The following CSMD1 variants were observed in gnomAD, a reference collection of about 807,000 sequenced individuals.
CSMD1 encodes CUB and Sushi multiple domains 1.
CSMD1 carries 213 observed loss-of-function variants against 417.5 expected under a neutral mutation model. That is an observed-to-expected ratio of 0.51 (90% confidence interval 0.46 to 0.57). The LOEUF (loss-of-function observed/expected upper bound fraction) is 0.57, where lower values mean the gene tolerates loss of function less well. CSMD1 is among the 20% of genes least tolerant of loss of function. The pLI is 0.00. For synonymous variants in CSMD1, 2,862 were observed against 1,736.8 expected (o/e 1.65, Z -16.11); for missense variants, 6,923 against 4,529.7 (o/e 1.53, Z -15.17).
intron 1 of CSMD1, among the ~76,000 whole-genome samples, chr8:4,942,493 A>G (rs1311405134): frequency 2.0e-5 from 3 of 152,162 alleles, no homozygotes; most frequent in Non-Finnish European, 4.4e-5. Flanking sequence ...TTTAACTTAT[A>G]TTTGTTAAAT....
At chr8:3,550,178 C>A (rs933731458) in intron 10 of CSMD1, among the ~76,000 whole-genome samples, 1 of 152,154 alleles carries the variant, frequency 6.6e-6, no homozygotes, top group Non-Finnish European at 1.5e-5. Flanking sequence ...ACCTTTTGAT[C>A]CCGATTCTCC....
intron 3 of CSMD1, among the ~76,000 whole-genome samples, chr8:4,149,314 C>A (rs938125989): frequency 6.6e-6 from 1 of 152,118 alleles, no homozygotes; most frequent in Non-Finnish European, 1.5e-5. Context: ...CACATATTCA[C>A]TGAGAATTTT....
intron 5 of CSMD1, among the ~76,000 whole-genome samples, chr8:3,852,290 G>C (rs1803965029): frequency 6.6e-6 from 1 of 152,094 alleles, no homozygotes; most frequent in Non-Finnish European, 1.5e-5. Flanking sequence ...GCGAACTCCT[G>C]CCCCAGAATC....
At chr8:4,231,043 C>T (rs114700365) in intron 3 of CSMD1, among the ~76,000 whole-genome samples, 1,899 of 152,156 alleles carry the variant, frequency 0.012, 45 homozygotes, top group African/African-American at 0.043. Flanking sequence ...AACTTGCTAC[C>T]GTGGGAAAAT....
intron 5 of CSMD1, among the ~76,000 whole-genome samples, chr8:3,807,289 C>A (rs1372990342): frequency 6.6e-6 from 1 of 152,120 alleles, no homozygotes; most frequent in Non-Finnish European, 1.5e-5. Context: ...ACCTATACCG[C>A]ATGCCAGCAA....
intron 2 of CSMD1, among the ~76,000 whole-genome samples, chr8:4,527,914 G>A (rs926747867): frequency 2.6e-5 from 4 of 152,154 alleles, no homozygotes; most frequent in Non-Finnish European, 4.4e-5. Flanking sequence ...CCTACAGGGC[G>A]TGCCTGCTTC....
rs569905956 is a variant in CSMD1 at position 4,089,205 on chromosome 8, G to T, written c.416-57106C>A. ...CAATCTGTTTGGCTGCCTGCCTTTT[G>T]TATTACCTATAAGCTCCATAAGGAC... On this transcript the variant is annotated intron_variant, in intron 3 of 69. Transcript: ENST00000635120. Among the ~76,000 whole-genome samples, 21 of 152,210 alleles carry T rather than the reference G, an allele frequency of 1.4e-4. No individual in the cohort carries two copies. In the South Asian group the frequency reaches 3.9e-3, roughly 29 times the overall value.
At chr8:3,809,321 C>T (rs927668739) in intron 5 of CSMD1, among the ~76,000 whole-genome samples, 4 of 152,144 alleles carry the variant, frequency 2.6e-5, no homozygotes, top group Non-Finnish European at 5.9e-5. Context: ...TTCTTGTTCA[C>T]GATTTTTATC....
intron 1 of CSMD1, among the ~76,000 whole-genome samples, chr8:4,950,293 T>G (rs1269886592): frequency 6.6e-6 from 1 of 152,158 alleles, no homozygotes; most frequent in African/African-American, 2.4e-5. Flanking sequence ...TTAATTCTGA[T>G]TAGTAAGTAA....
At chr8:4,507,463 T>C (rs1802587853) in intron 2 of CSMD1, among the ~76,000 whole-genome samples, 1 of 152,200 alleles carries the variant, frequency 6.6e-6, no homozygotes, top group African/African-American at 2.4e-5. Flanking sequence ...TATCTCTGGC[T>C]ATTGATTACA....
chr8:4,040,134 G>A (rs563514429), intron 3 of CSMD1, among the ~76,000 whole-genome samples: 4 of 152,086 alleles, frequency 2.6e-5, no homozygotes, highest in African/African-American at 7.2e-5. Context: ...ATTTTTAAAG[G>A]GTATGAGAGT....
At chr8:4,594,932 A>C (rs955044718) in intron 2 of CSMD1, among the ~76,000 whole-genome samples, 2 of 152,346 alleles carry the variant, frequency 1.3e-5, no homozygotes, top group African/African-American at 4.8e-5. Flanking sequence ...TTGAGACTAC[A>C]TATTATAATT....
intron 3 of CSMD1, among the ~76,000 whole-genome samples, chr8:4,123,226 GT>G (rs1266912387): frequency 6.6e-6 from 1 of 152,214 alleles, no homozygotes; most frequent in African/African-American, 2.4e-5. Flanking sequence ...CAAGTTCACA[GT>G]TAATGACAGA....
At chr8:3,798,009 T>C (rs1319541426) in intron 5 of CSMD1, among the ~76,000 whole-genome samples, 1 of 152,168 alleles carries the variant, frequency 6.6e-6, no homozygotes, top group Non-Finnish European at 1.5e-5. Flanking sequence ...AGATTATTGA[T>C]GTTGATAAAC....
intron 3 of CSMD1, among the ~76,000 whole-genome samples, chr8:4,069,923 T>C (rs144519225): frequency 2.0e-4 from 31 of 152,336 alleles, no homozygotes; most frequent in African/African-American, 7.0e-4. Flanking sequence ...TACCACTTTG[T>C]ATAAAATTGC....
chr8:4,085,971 C>T lies in CSMD1; in HGVS notation c.416-53872G>A, dbSNP rs183887429. ...ACAAGTGCAAGTCAATCTACAATTA[C>T]CTTGAAATAAAAACTGTAATTAAAA... On this transcript the variant is annotated intron_variant, in intron 3 of 69. Transcript: ENST00000635120. Among the ~76,000 whole-genome samples, 5 of 152,114 alleles carry T rather than the reference C, an allele frequency of 3.3e-5. No homozygotes were observed. In the East Asian group the frequency reaches 9.7e-4, roughly 29 times the overall value.
At chr8:3,615,678 C>G (rs921959312) in intron 8 of CSMD1, among the ~76,000 whole-genome samples, 29 of 152,210 alleles carry the variant, frequency 1.9e-4, no homozygotes, top group African/African-American at 6.3e-4. Flanking sequence ...AAAAACATTC[C>G]TTCTTTCCTC....
chr8:4,160,455 G>A (rs144144186), intron 3 of CSMD1, among the ~76,000 whole-genome samples: 4 of 152,276 alleles, frequency 2.6e-5, no homozygotes, highest in Non-Finnish European at 4.4e-5. Flanking sequence ...TTTCAATAAA[G>A]TAAGTGTTGG....
At chr8:3,958,186 G>C (rs1252533296) in intron 5 of CSMD1, among the ~76,000 whole-genome samples, 7 of 152,084 alleles carry the variant, frequency 4.6e-5, no homozygotes, top group Admixed American at 6.6e-5. Context: ...TATTATTTTG[G>C]AGAAAACAAA....
Sources: gnomAD v4.1 joint callset for allele counts (sites outside exome capture counted in the v4.1 genomes callset) on GRCh38, gnomAD v4.1.1 for gene constraint, MANE v1.5 for transcripts, NCBI Gene and HGNC (gene_info 2026-07-23, HGNC 2026-07-21) for gene names.